The following ANAPC5 variants were observed in gnomAD, a reference collection of about 807,000 sequenced individuals.
ANAPC5 encodes anaphase-promoting complex subunit 5.
Under a neutral mutation model 91.3 loss-of-function variants are expected in ANAPC5, and 60 were observed. The ratio of observed to expected loss-of-function variants is 0.66; its 90% CI spans 0.53 to 0.81. The LOEUF is 0.81. ANAPC5 is among the 40% of genes least tolerant of loss of function. The pLI, the probability that ANAPC5 is intolerant of heterozygous loss-of-function variation, is 0.00. For synonymous variants in ANAPC5, 340 were observed against 364.1 expected (o/e 0.93, Z 0.75); for missense variants, 690 against 931.5 (o/e 0.74, Z 3.37).
chr12:121,348,860 T>G (rs1394083762), intron 1 of ANAPC5, among the ~76,000 whole-genome samples: 3 of 152,182 alleles, frequency 2.0e-5, no homozygotes, highest in African/African-American at 4.8e-5. Context: ...ATACATTGTT[T>G]GAAATGAAGA....
At position 121,346,045 on chromosome 12, in the gene ANAPC5, C is replaced by T. The variant is rs1363807948; in HGVS notation, c.398-14G>A. On this transcript the variant is annotated splice_polypyrimidine_tract_variant and intron_variant, in intron 3 of 16. Transcript: ENST00000261819. ...GCAGAAACAAACCTACAAAATAAGA[C>T]GAGAGACAAGGGGAAAGCATTAACT... 13 of 1,590,192 alleles carry T rather than the reference C, an allele frequency of 8.2e-6. No individual in the cohort carries two copies. The highest frequency in any genetic ancestry group is 1.0e-5 in the Non-Finnish European group (12 of 1,169,352).
chr12:121,341,872 G>A (rs113743250), intron 5 of ANAPC5, 131 bp downstream of exon 5: 1 of 565,204 alleles, frequency 1.8e-6, no homozygotes, highest in South Asian at 2.9e-5. Flanking sequence ...AGGGGACCAA[G>A]AGTAAAGGCT....
chr12:121,325,757 T>C (rs1258473948), intron 11 of ANAPC5, among the ~76,000 whole-genome samples: 1 of 151,226 alleles, frequency 6.6e-6, no homozygotes, highest in Admixed American at 6.6e-5. Context: ...GTCCCAGCTA[T>C]TCGGGAGGCT....
chr12:121,352,718 T>TTGTTGGTGGTGG (rs71079056), upstream of ANAPC5, among the ~76,000 whole-genome samples: 8 of 102,414 alleles, frequency 7.8e-5, no homozygotes, highest in South Asian at 3.7e-4. Context: ...GTTGTTGTTG[T>TTGTTGGTGGTGG]TGGTGGTGGT....
chr12:121,344,014 C>G (rs1407708420), intron 4 of ANAPC5, among the ~76,000 whole-genome samples: 1 of 152,166 alleles, frequency 6.6e-6, no homozygotes, highest in Non-Finnish European at 1.5e-5. Context: ...AGAAGTAAAA[C>G]AGCAAAAGGA....
rs1555272343 is a variant in ANAPC5 at position 121,327,108 on chromosome 12, T to C, written c.1428A>G (p.Leu476=). ...FAVALCHLAE[L]HAEQGCFAAA... is the part of the protein sequence containing the mutation. ...GCCACCTGCCTACCTGCTCCGCGTG[T>C]AGCTCTGCGAGGTGGCAGAGTGCGA... is the stretch of plus-strand genomic sequence containing the variant. Residue 476 remains leucine (L), a synonymous_variant, in exon 11 of 17, where the codon CTA becomes CTG. Transcript: ENST00000261819. 6.2e-7 allele frequency: 1 copy of C among 1,605,710 alleles called. No individual in the cohort carries two copies. The highest frequency in any genetic ancestry group is 1.7e-5 in the Admixed American group (1 of 58,638).
chr12:121,343,015 GA>G (rs1555274257), intron 4 of ANAPC5, among the ~76,000 whole-genome samples: 1 of 152,056 alleles, frequency 6.6e-6, no homozygotes, highest in East Asian at 1.9e-4. Flanking sequence ...TAAATATAAA[GA>G]ATACATTTCT....
At chr12:121,326,982 C>T (rs1902843709) in intron 11 of ANAPC5, 114 bp downstream of exon 11, 1 of 1,342,792 alleles carries the variant, frequency 7.4e-7, no homozygotes. Flanking sequence ...CTTTCAGCCA[C>T]AGTGTCGAGC....
chr12:121,309,128 G>A (rs1186125618), intron 16 of ANAPC5, among the ~76,000 whole-genome samples: 2 of 90,648 alleles, frequency 2.2e-5, no homozygotes, highest in South Asian at 4.2e-4. Context: ...CAGCCTGGGC[G>A]ACAGAGTGAC....
intron 5 of ANAPC5, among the ~76,000 whole-genome samples, chr12:121,338,244 A>T (rs115146269): frequency 0.017 from 2,616 of 152,064 alleles, 61 homozygotes; most frequent in African/African-American, 0.055. Flanking sequence ...TTTAAAAAAA[A>T]TTTTTTTAAA....
At chr12:121,351,658 T>C (rs1216308864) in intron 1 of ANAPC5, among the ~76,000 whole-genome samples, 12 of 151,972 alleles carry the variant, frequency 7.9e-5, no homozygotes, top group Non-Finnish European at 1.2e-4. Context: ...GGGGTTTCAC[T>C]ACGTTGGTCA....
intron 15 of ANAPC5, among the ~76,000 whole-genome samples, chr12:121,315,840 A>C (rs569417106): frequency 6.6e-6 from 1 of 152,330 alleles, no homozygotes; most frequent in Non-Finnish European, 1.5e-5. Flanking sequence ...TAAAACTATA[A>C]TACTGTGAGA....
At position 121,346,227 on chromosome 12, in the gene ANAPC5, G is replaced by A. The variant is rs574692787; in HGVS notation, c.398-196C>T. 1.8e-5 allele frequency: 9 copies of A among 489,802 alleles called. No homozygotes were observed. In the South Asian group the frequency reaches 3.4e-4, roughly 18 times the overall value. 30.3% of individuals were successfully genotyped at this position (489,802 alleles called of 1,614,324 possible). A position where few individuals can be genotyped will look rare whatever the true frequency, so the allele number is the denominator to read the frequency against. On this transcript the variant is annotated intron_variant, in intron 3 of 16. Transcript: ENST00000261819. ...TACAAAGCTGGTTTCTTCTTATACA[G>A]GGCACAATCTACCCACCCCACCTCC...
intron 1 of ANAPC5, among the ~76,000 whole-genome samples, chr12:121,350,385 T>C (rs1169309094): frequency 6.6e-6 from 1 of 152,172 alleles, no homozygotes; most frequent in Admixed American, 6.5e-5. Context: ...TCACACTTTC[T>C]GTAAGAAATC....
chr12:121,309,172 C>T (rs1199173639), intron 16 of ANAPC5, among the ~76,000 whole-genome samples: 24 of 141,378 alleles, frequency 1.7e-4, no homozygotes, highest in African/African-American at 5.4e-4. Context: ...AAAAAAAGGC[C>T]GGGCGCAGTG....
chr12:121,351,905 G>A (rs1245600891), intron 1 of ANAPC5, among the ~76,000 whole-genome samples: 4 of 151,770 alleles, frequency 2.6e-5, no homozygotes, highest in Non-Finnish European at 4.4e-5. Flanking sequence ...AATAAATACT[G>A]GAGCCAGACA....
rs1490762579 is a variant in ANAPC5 at position 121,351,018 on chromosome 12, G to C, written c.207+1116C>G. The C allele has an allele frequency of 1.4e-5, 6 of 428,726 alleles. No individual in the cohort carries two copies. In the East Asian group the frequency reaches 2.2e-4, roughly 16 times the overall value. 26.6% of individuals were successfully genotyped at this position (428,726 alleles called of 1,614,324 possible). On this transcript the variant is annotated intron_variant, in intron 1 of 16. Transcript: ENST00000261819. The stretch of plus-strand genomic sequence containing the variant: ...GTTCCCATTTTACAGAGAGAAAACT[G>C]AGACCCAAATGAATTAAGGAACTTA...
intron 6 of ANAPC5, among the ~76,000 whole-genome samples, chr12:121,336,946 G>A (rs1457293627): frequency 2.6e-5 from 4 of 152,190 alleles, no homozygotes; most frequent in South Asian, 4.1e-4. Flanking sequence ...TTGGCCAGGC[G>A]CAGTGGCTCA....
chr12:121,313,310 G>C (rs573779617), intron 15 of ANAPC5, among the ~76,000 whole-genome samples: 7 of 152,076 alleles, frequency 4.6e-5, no homozygotes, highest in African/African-American at 1.7e-4. Flanking sequence ...TCGGTGACAA[G>C]AGCTAAACTC....
Sources: gnomAD v4.1 joint callset for allele counts (sites outside exome capture counted in the v4.1 genomes callset) on GRCh38, gnomAD v4.1.1 for gene constraint, MANE v1.5 for transcripts, NCBI Gene and HGNC (gene_info 2026-07-23, HGNC 2026-07-21) for gene names.